GABRB2: variants seen among roughly 807,000 people sequenced by gnomAD.
The protein encoded by GABRB2 is gamma-aminobutyric acid type A receptor subunit beta2.
GABRB2 carries 16 observed loss-of-function variants against 54.7 expected under a neutral mutation model. The ratio of observed to expected loss-of-function variants is 0.29; its 90% CI spans 0.20 to 0.44. The LOEUF is 0.44. Among genes scored for constraint, GABRB2 ranks in the 20% least tolerant of loss-of-function variants. GABRB2 has a pLI of 1.00. For missense variants in GABRB2, 355 were observed against 644.0 expected (o/e 0.55, Z 4.86); for synonymous variants, 244 against 233.8 (o/e 1.04, Z -0.40).
At chr5:161,423,975 G>T (rs1756925423) in intron 4 of GABRB2, among the ~76,000 whole-genome samples, 1 of 152,076 alleles carries the variant, frequency 6.6e-6, no homozygotes, top group Non-Finnish European at 1.5e-5. Flanking sequence ...CACATTAAGG[G>T]AATCAGCTTA....
chr5:161,418,879 C>T (rs1432119005), intron 4 of GABRB2, among the ~76,000 whole-genome samples: 1 of 152,192 alleles, frequency 6.6e-6, no homozygotes, highest in East Asian at 1.9e-4. Flanking sequence ...ATAATCCCAG[C>T]ACTTTGGGAT....
chr5:161,546,493 T>C (rs1760989695), intron 1 of GABRB2, 74 bp downstream of exon 1: 1 of 1,570,724 alleles, frequency 6.4e-7, no homozygotes. Context: ...CTACTACATT[T>C]CCCTGCTCAC....
At chr5:161,521,739 T>C (rs1220281459) in intron 3 of GABRB2, among the ~76,000 whole-genome samples, 1 of 151,912 alleles carries the variant, frequency 6.6e-6, no homozygotes, top group African/African-American at 2.4e-5. Flanking sequence ...CAGAATGTGA[T>C]AGCTCTTAAT....
At chr5:161,507,305 C>T (rs1400324586) in intron 3 of GABRB2, among the ~76,000 whole-genome samples, 1 of 151,854 alleles carries the variant, frequency 6.6e-6, no homozygotes, top group Non-Finnish European at 1.5e-5. Flanking sequence ...TATTTAATGG[C>T]AAATAATAAA....
chr5:161,327,452 A>G (rs141470766), intron 8 of GABRB2, among the ~76,000 whole-genome samples: 164 of 152,186 alleles, frequency 1.1e-3, no homozygotes, highest in African/African-American at 3.6e-3. Context: ...AGAAAAATCC[A>G]TATCAGAACT....
Position 161,288,812 on chromosome 5 carries a change from C to CAA in GABRB2, c.*5267_*5268dup, listed in dbSNP as rs1437490507. Reference sequence around the variant, plus strand: ...AGGACAATTTAGAACTGTGCAGGGACAATATTCGTAACAGAACTATTTAAA... The same window carrying CAA: ...AGGACAATTTAGAACTGTGCAGGGACAAAATATTCGTAACAGAACTATTTAAA... On this transcript the variant is annotated 3_prime_UTR_variant, in exon 10 of 10. Transcript: ENST00000393959. 4 of 151,672 alleles carry CAA rather than the reference C, an allele frequency of 2.6e-5. No homozygotes were observed. The highest frequency in any genetic ancestry group is 9.7e-5 in the African/African-American group (4 of 41,250). The allele number at this position is 151,672 out of a possible 1,614,324, so 9.4% of individuals were successfully genotyped here. A position where few individuals can be genotyped will look rare whatever the true frequency, so the allele number is the denominator to read the frequency against.
chr5:161,494,204 G>A (rs569415875), intron 3 of GABRB2, among the ~76,000 whole-genome samples: 1 of 151,806 alleles, frequency 6.6e-6, no homozygotes, highest in African/African-American at 2.4e-5. Flanking sequence ...GACAAGATTG[G>A]ATAAACATTC....
At chr5:161,455,256 G>A (rs1303307038) in intron 4 of GABRB2, among the ~76,000 whole-genome samples, 1 of 152,086 alleles carries the variant, frequency 6.6e-6, no homozygotes. Flanking sequence ...CAAGGTTCTG[G>A]CTGACGAGCT....
intron 4 of GABRB2, among the ~76,000 whole-genome samples, chr5:161,420,664 G>T (rs901317153): frequency 1.3e-5 from 2 of 152,210 alleles, no homozygotes; most frequent in African/African-American, 4.8e-5. Flanking sequence ...ATGGAAGGCT[G>T]CAGAGCGGGT....
intron 5 of GABRB2, among the ~76,000 whole-genome samples, chr5:161,378,949 T>C (rs1235322300): frequency 1.3e-5 from 2 of 152,180 alleles, no homozygotes; most frequent in Non-Finnish European, 2.9e-5. Context: ...AGCCATTTCA[T>C]TTTAAAGCAA....
intron 9 of GABRB2, among the ~76,000 whole-genome samples, chr5:161,308,369 G>T (rs2113358617): frequency 6.6e-6 from 1 of 152,238 alleles, no homozygotes; most frequent in East Asian, 1.9e-4. Context: ...AATGAAAAGA[G>T]AAAAACATTC....
chr5:161,416,428 G>A (rs1756667407), intron 4 of GABRB2, among the ~76,000 whole-genome samples: 1 of 152,036 alleles, frequency 6.6e-6, no homozygotes, highest in Non-Finnish European at 1.5e-5. Context: ...GTTCAAACAT[G>A]TGACTAAACA....
rs1160081577 is a variant in GABRB2 at position 161,292,708 on chromosome 5, C to T, written c.*1373G>A. The T allele has an allele frequency of 1.3e-5, 2 of 152,156 alleles. No individual in the cohort carries two copies. Among genetic ancestry groups the T allele is most frequent in the Non-Finnish European group, 2.9e-5 (2 of 68,020 alleles). The allele number at this position is 152,156 out of a possible 1,614,324, so 9.4% of individuals were successfully genotyped here. A position where few individuals can be genotyped will look rare whatever the true frequency, so the allele number is the denominator to read the frequency against. On this transcript the variant is annotated 3_prime_UTR_variant, in exon 10 of 10. Coordinates refer to ENST00000393959, the MANE Select transcript of GABRB2 (RefSeq NM_001371727.1). ...GATTGCAACATATACAATGAAAGCA[C>T]TCTTAAGAAAATCAAGCCCCAAACC...
chr5:161,299,723 T>C (rs1409455756), intron 9 of GABRB2, among the ~76,000 whole-genome samples: 2 of 152,144 alleles, frequency 1.3e-5, no homozygotes, highest in Non-Finnish European at 2.9e-5. Context: ...CCAGTATTAC[T>C]TTGTTTTTCT....
At chr5:161,313,975 C>T (rs1350604904) in intron 9 of GABRB2, among the ~76,000 whole-genome samples, 1 of 152,222 alleles carries the variant, frequency 6.6e-6, no homozygotes, top group Non-Finnish European at 1.5e-5. Flanking sequence ...ATGTGCCTCC[C>T]AAACTTTGTG....
intron 4 of GABRB2, among the ~76,000 whole-genome samples, chr5:161,454,372 T>C (rs1272278172): frequency 6.6e-6 from 1 of 152,180 alleles, no homozygotes; most frequent in Non-Finnish European, 1.5e-5. Context: ...CTCAACACTG[T>C]TTGACAATCC....
At chr5:161,530,282 T>C (rs1760414592) in intron 3 of GABRB2, among the ~76,000 whole-genome samples, 1 of 152,164 alleles carries the variant, frequency 6.6e-6, no homozygotes, top group Non-Finnish European at 1.5e-5. Flanking sequence ...CTAAATGCTA[T>C]ATTTGACTAA....
At chr5:161,341,937 T>TTATATATATATA (rs1237952955) in intron 5 of GABRB2, among the ~76,000 whole-genome samples, 1,617 of 75,162 alleles carry the variant, frequency 0.022, 26 homozygotes, top group East Asian at 0.054. Flanking sequence ...ATTTTTTCTT[T>TTATATATATATA]TATATATATA....
chr5:161,410,770 C>T (rs778169496), intron 5 of GABRB2, among the ~76,000 whole-genome samples: 9 of 152,022 alleles, frequency 5.9e-5, no homozygotes, highest in Admixed American at 1.3e-4. Context: ...ATATCTCTCG[C>T]GAAGAGTTAG....
Sources: gnomAD v4.1 joint callset for allele counts (sites outside exome capture counted in the v4.1 genomes callset) on GRCh38, gnomAD v4.1.1 for gene constraint, MANE v1.5 for transcripts, NCBI Gene and HGNC (gene_info 2026-07-23, HGNC 2026-07-21) for gene names.